Variants in F12 observed in about 807,000 individuals in gnomAD.
F12 encodes Hageman factor.
F12 carries 70 observed loss-of-function variants against 74.8 expected under a neutral mutation model. That is an observed-to-expected ratio of 0.94 (90% CI 0.77 to 1.14). The LOEUF is 1.14. F12 is among the 50% of genes most tolerant of loss of function. The pLI, the probability that F12 is intolerant of heterozygous loss-of-function variation, is 0.00. For synonymous variants in F12, 373 were observed against 356.4 expected (o/e 1.05, Z -0.52); for missense variants, 811 against 835.7 (o/e 0.97, Z 0.36).
chr5:177,407,771 C>T (rs899239265), intron 2 of F12, among the ~76,000 whole-genome samples: 10 of 142,760 alleles, frequency 7.0e-5, no homozygotes, highest in Middle Eastern at 3.5e-3. Context: ...GGGGACAGAG[C>T]GAGACTCCAT....
chr5:177,408,813 G>A (rs1345018130), intron 2 of F12, among the ~76,000 whole-genome samples: 1 of 152,270 alleles, frequency 6.6e-6, no homozygotes, highest in African/African-American at 2.4e-5. Context: ...GCCCAGGTGT[G>A]ATGGCGCCAG....
In F12 at chr5:177,406,316, C is replaced by A. The variant is rs7709674; in HGVS notation, c.116-255G>T. Among the ~76,000 whole-genome samples, 11,610 of 152,116 alleles carry A rather than the reference C, an allele frequency of 0.076. 620 individuals are homozygous for A. Among genetic ancestry groups the A allele is most frequent in the African/African-American group, 0.15 (6,171 of 41,490 alleles). On this transcript the variant is annotated intron_variant, in intron 2 of 13. Coordinates refer to ENST00000253496, the MANE Select transcript of F12 (RefSeq NM_000505.4). ...ATCCTGGCTAATACAGTGAAACCCC[C>A]TCTCTACTAAAAATACAAAAAAATT...
chr5:177,409,109 A>C lies in F12; in HGVS notation c.58-6T>G. 6.4e-7 allele frequency: 1 copy of C among 1,551,642 alleles called. No individual in the cohort carries two copies. The highest frequency in any genetic ancestry group is 8.7e-7 in the Non-Finnish European group (1 of 1,146,988). ...GGGGCTTCCCAAGGTGGAATCTACA[A>C]GGGAGAGAAGAAGGCAGGGAACTGA... On this transcript the variant is annotated splice_polypyrimidine_tract_variant and splice_region_variant and intron_variant, in intron 1 of 13. Transcript: ENST00000253496.
intron 1 of F12, among the ~76,000 whole-genome samples, 173 bp from the exon 2 acceptor site, chr5:177,409,276 G>T (rs898428451): frequency 5.3e-5 from 8 of 152,050 alleles, no homozygotes; most frequent in Non-Finnish European, 8.8e-5. Flanking sequence ...CCCCAGAAAT[G>T]CAGGCTGTGC....
rs1322502460 is a variant in F12 at position 177,402,411 on chromosome 5, G to A, written c.1729C>T (p.Arg577Trp). The A allele has an allele frequency of 1.9e-6, 3 of 1,612,682 alleles. No homozygotes were observed. The highest frequency in any genetic ancestry group is 1.3e-5 in the African/African-American group (1 of 75,030). The part of the protein sequence containing the change: ...LVCEDQAAER[R>W]LTLQGIISWG... ...CTGATGATGCCTTGCAGGGTGAGCC[G>A]GCGCTCTGCAGCTTGGTCCTCACAC... Residue 577 changes from arginine to tryptophan, a missense_variant, in exon 14 of 14, where the codon CGG (arginine) becomes TGG (tryptophan). By Grantham distance (101) the Arg-to-Trp change is moderately radical. Transcript: ENST00000253496.
chr5:177,403,246 G>A lies in F12; in HGVS notation c.1531+8C>T. 1 of 1,600,406 alleles carries A rather than the reference G, an allele frequency of 6.2e-7. No individual in the cohort carries two copies. The highest frequency in any genetic ancestry group is 8.5e-7 in the Non-Finnish European group (1 of 1,179,800). On this transcript the variant is annotated splice_region_variant and intron_variant, in intron 12 of 13. Coordinates refer to ENST00000253496, the MANE Select transcript of F12 (RefSeq NM_000505.4). ...TCCCCTACCCCTGCCCCTAGCAGTT[G>A]TGCCTACCCTCGAACTGGTGGCCCC...
rs1401775984 is a variant in F12 at position 177,409,033 on chromosome 5, C to T, written c.115+13G>A. 1 of 1,550,866 alleles carries T rather than the reference C, an allele frequency of 6.4e-7. No individual in the cohort carries two copies. Among genetic ancestry groups the T allele is most frequent in the Non-Finnish European group, 8.7e-7 (1 of 1,146,954 alleles). On this transcript the variant is annotated intron_variant, in intron 2 of 13. Transcript: ENST00000253496. The stretch of plus-strand genomic sequence containing the variant: ...ACCCAAGGGTTCCCGGGAGGAGGAG[C>T]CAGGCCACTTACCGACTGTGTGCTC...
chr5:177,403,539 G>A lies in F12; in HGVS notation c.1329C>T (p.Ala443=), dbSNP rs376398393. The change falls in exon 11 of 14, where the codon GCC becomes GCT. Residue 443 remains alanine, a synonymous_variant. Coordinates refer to ENST00000253496, the MANE Select transcript of F12 (RefSeq NM_000505.4). ...CCTCGTGCAAGCGGTAGGAGCGCACGGCCAACGTCTGGCACGGCTCACAGC... is the reference window on the plus strand; with the variant it reads ...CCTCGTGCAAGCGGTAGGAGCGCACAGCCAACGTCTGGCACGGCTCACAGC... ...NHSCEPCQTL[A]VRSYRLHEAF... 1.3e-5 allele frequency: 20 copies of A among 1,595,458 alleles called. No homozygotes were observed. Among genetic ancestry groups the A allele is most frequent in the Admixed American group, 5.2e-5 (3 of 57,978 alleles).
rs367919043 is a variant in F12 at position 177,404,829 on chromosome 5, G to A, written c.615C>T (p.Thr205=). 9.3e-6 allele frequency: 15 copies of A among 1,607,972 alleles called. No homozygotes were observed. The highest frequency in any genetic ancestry group is 1.7e-5 in the Admixed American group (1 of 59,518). Residue 205 remains threonine (T), a synonymous_variant, in exon 7 of 14, where the codon ACC becomes ACT. Coordinates refer to ENST00000253496, the MANE Select transcript of F12 (RefSeq NM_000505.4). ...ACTCACCCACGTCGCAGAAGGCTCC[G>A]GTGTAGCCCACCGGGCAGTGGCACA... ...HRLCHCPVGY[T]GAFCDVDTKA... is the part of the protein sequence containing the mutation.
In F12 at chr5:177,403,572, A is replaced by G. The variant is rs1243783084; in HGVS notation, c.1296T>C (p.Arg432=). Residue 432 remains arginine, a synonymous_variant, in exon 11 of 14, where the codon CGT becomes CGC. Transcript: ENST00000253496. ...DLTVVLGQER[R]NHSCEPCQTL... is the part of the protein sequence containing the mutation. Reference sequence around the variant, plus strand: ...TCTGGCACGGCTCACAGCTGTGGTTACGGCGTTCCTGGCCGAGCACCACCG... The same window carrying G: ...TCTGGCACGGCTCACAGCTGTGGTTGCGGCGTTCCTGGCCGAGCACCACCG... 3.7e-6 allele frequency: 6 copies of G among 1,605,016 alleles called. No individual in the cohort carries two copies. Among genetic ancestry groups the G allele is most frequent in the Non-Finnish European group, 5.1e-6 (6 of 1,178,540 alleles).
rs756802257 is a variant in F12, at chr5:177,403,897, G to C, written c.1212C>G (p.Pro404=). 2.5e-5 allele frequency: 39 copies of C among 1,580,044 alleles called. No individual in the cohort carries two copies. Among genetic ancestry groups the C allele is most frequent in the Non-Finnish European group, 3.2e-5 (37 of 1,166,490 alleles). The change falls in exon 10 of 14, where the codon CCC becomes CCG. Residue 404 remains proline, a synonymous_variant. Coordinates refer to ENST00000253496, the MANE Select transcript of F12 (RefSeq NM_000505.4). ...AGTGAGCGGCCGTCAGCACCCAGCA[G>C]GGGGCGATGAGGCTGCCGGCGCAGA... ...HSFCAGSLIA[P]CWVLTAAHCL...
At position 177,406,019 on chromosome 5, in the gene F12, T is replaced by C. The variant is rs118204455; in HGVS notation, c.158A>G (p.Tyr53Cys). 3.7e-6 allele frequency: 6 copies of C among 1,613,922 alleles called. No homozygotes were observed. The East Asian group carries it at 1.3e-4, about 36-fold the overall frequency. ...ACATTTGTGGTACAGCTGCCGGTGG[T>C]ACTGGAAGGGGAAGTGGCAGGGCTC... is the stretch of plus-strand genomic sequence containing the variant. ...TGEPCHFPFQ[Y>C]HRQLYHKCTH... Residue 53 changes from tyrosine (Y) to cysteine (C), a missense_variant, in exon 3 of 14, where the codon TAC becomes TGC. Physicochemically the swap from Tyr to Cys is radical, Grantham distance 194. Transcript: ENST00000253496.
In F12 at chr5:177,402,585, C is replaced by T; in HGVS notation, c.1645G>A (p.Ala549Thr). Residue 549 changes from alanine (A) to threonine (T), a missense_variant, in exon 13 of 14, where the codon GCA becomes ACA. Coordinates refer to ENST00000253496, the MANE Select transcript of F12 (RefSeq NM_000505.4). ...TCGGTGCCGCCCTCGAGGAACCCTGCGCAGAGCATGCCGGGGAGGATGGAG... is the reference window on the plus strand; with the variant it reads ...TCGGTGCCGCCCTCGAGGAACCCTGTGCAGAGCATGCCGGGGAGGATGGAG... ...GSSILPGMLC[A>T]GFLEGGTDAC... is the part of the protein sequence containing the mutation. The T allele has an allele frequency of 1.2e-6, 2 of 1,613,008 alleles. No homozygotes were observed. Among genetic ancestry groups the T allele is most frequent in the Non-Finnish European group, 1.7e-6 (2 of 1,179,892 alleles).
At chr5:177,403,117 A>G (rs1476030509) in intron 12 of F12, 137 bp downstream of exon 12, 25 of 1,116,422 alleles carry the variant, frequency 2.2e-5, no homozygotes, top group Non-Finnish European at 3.1e-5. Context: ...ATTCACCTAC[A>G]CATTCTCACA....
intron 6 of F12, 30 bp from the exon 7 acceptor site, chr5:177,404,944 TG>T (rs772888245): frequency 2.5e-6 from 4 of 1,587,032 alleles, no homozygotes; most frequent in Non-Finnish European, 2.6e-6. Context: ...GAGCCACCCC[TG>T]GGCCTAAAGA....
chr5:177,404,002 C>G lies in F12; in HGVS notation c.1107G>C (p.Ser369=), dbSNP rs141473119. The stretch of plus-strand genomic sequence containing the variant: ...CCAGCCCGCCAACGACGCGGGTCAT[C>G]GAAGACAGACTCTTGCGGAGCCGCT... The part of the protein sequence containing the change: ...CGQRLRKSLS[S]MTRVVGGLVA... The change falls in exon 10 of 14, where the codon TCG becomes TCC. Residue 369 remains serine, a synonymous_variant. Coordinates refer to ENST00000253496, the MANE Select transcript of F12 (RefSeq NM_000505.4). 996 of 1,602,648 alleles carry G rather than the reference C, an allele frequency of 6.2e-4. 4 individuals are homozygous for G. The highest frequency in any genetic ancestry group is 3.4e-4 in the Non-Finnish European group (402 of 1,179,678).
rs139688146 is a variant in F12, at chr5:177,407,519, T to C, written c.116-1458A>G. Among the ~76,000 whole-genome samples, 23 of 152,246 alleles carry C rather than the reference T, an allele frequency of 1.5e-4. No individual in the cohort carries two copies. The East Asian group carries it at 4.4e-3, about 29-fold the overall frequency. On this transcript the variant is annotated intron_variant, in intron 2 of 13. Transcript: ENST00000253496. Reference sequence around the variant, plus strand: ...GCAAATGGGGGCCAGGCGCGGTGGCTCACGCCTGTAATCCCAGCACTTTGG... The same window carrying C: ...GCAAATGGGGGCCAGGCGCGGTGGCCCACGCCTGTAATCCCAGCACTTTGG...
Position 177,405,401 on chromosome 5 carries a change from C to G in F12, c.319G>C (p.Gly107Arg). Reference protein sequence around the residue: ...HCSKHSPCQKGGTCVNMPSGP... With the variant: ...HCSKHSPCQKRGTCVNMPSGP... ...CTTGGCATGTTCACACAGGTCCCTC[C>G]TTTCTGGCAGGGGCTGTGTTTGCTG... The change falls in exon 5 of 14, where the codon GGA (glycine) becomes CGA (arginine). Residue 107 changes from glycine (G) to arginine (R), a missense_variant. Coordinates refer to ENST00000253496, the MANE Select transcript of F12 (RefSeq NM_000505.4). 1 of 1,614,078 alleles carries G rather than the reference C, an allele frequency of 6.2e-7. No homozygotes were observed. Among genetic ancestry groups the G allele is most frequent in the Non-Finnish European group, 8.5e-7 (1 of 1,179,994 alleles).
chr5:177,403,018 G>A (rs1385982712), intron 12 of F12, among the ~76,000 whole-genome samples: 1 of 152,038 alleles, frequency 6.6e-6, no homozygotes, highest in East Asian at 1.9e-4. Context: ...GCGCCCAGAG[G>A]GAACCAAGAG....
Sources: allele counts gnomAD v4.1 joint callset (sites outside exome capture counted in the v4.1 genomes callset), GRCh38; gene constraint gnomAD v4.1.1; transcripts MANE v1.5; gene names NCBI Gene and HGNC (gene_info 2026-07-23, HGNC 2026-07-21).